PDE6D: variants seen among roughly 807,000 people sequenced by gnomAD.
PDE6D encodes phosphodiesterase 6D.
In PDE6D, 10 loss-of-function variants were observed where a neutral mutation model predicts 21.9. The observed-to-expected ratio is 0.46, with a 90% confidence interval of 0.28 to 0.78. The LOEUF is 0.78. PDE6D is among the 30% of genes least tolerant of loss of function. The pLI is 0.12. For missense variants in PDE6D, 139 were observed against 184.8 expected, an observed-to-expected ratio of 0.75 and a Z score of 1.44; for synonymous variants, 59 against 63.5, an observed-to-expected ratio of 0.93 and a Z score of 0.34.
In PDE6D at chr2:231,738,048, T is replaced by C; in HGVS notation, c.230A>G (p.Glu77Gly). Residue 77 changes from glutamate (E) to glycine (G), a missense_variant, in exon 3 of 5, where the codon GAA becomes GGA. By Grantham distance (98) the Glu-to-Gly change is moderately conservative. Transcript: ENST00000287600. ...STEQMEKFRL[E>G]QKVYFKGQCL... ...TTGCCCTTTGAAGTAAACTTTTTGT[T>C]CCAGGCGGAATTTTTCCATTTGTTC... is the stretch of plus-strand genomic sequence containing the variant. The C allele has an allele frequency of 6.2e-7, 1 of 1,614,154 alleles. No homozygotes were observed. Among genetic ancestry groups the C allele is most frequent in the Non-Finnish European group, 8.5e-7 (1 of 1,179,990 alleles).
At chr2:231,753,333 C>G (rs2048857389) in intron 1 of PDE6D, among the ~76,000 whole-genome samples, 1 of 150,588 alleles carries the variant, frequency 6.6e-6, no homozygotes, top group South Asian at 2.1e-4. Context: ...ACCATCCTGG[C>G]TAACACAGTG....
rs538380068 is a variant in PDE6D at position 231,760,866 on chromosome 2, G to A, written c.50+20199C>T. ...AAAAAGGACACGCTGCAAGGCTAGT[G>A]ACACTATTTTCTAGCTCAGCCAAGC... On this transcript the variant is annotated intron_variant, in intron 1 of 4. Transcript: ENST00000287600. 1.6e-4 allele frequency among the ~76,000 whole-genome samples: 25 copies of A among 152,296 alleles called. No individual in the cohort carries two copies. The South Asian group carries it at 5.2e-3, about 32-fold the overall frequency.
At chr2:231,757,104 G>C (rs1370731686) in intron 1 of PDE6D, among the ~76,000 whole-genome samples, 1 of 150,694 alleles carries the variant, frequency 6.6e-6, no homozygotes, top group Non-Finnish European at 1.5e-5. Context: ...GGCTACAGGT[G>C]TGTGCCACCA....
At chr2:231,747,332 C>T (rs577217066) in intron 1 of PDE6D, among the ~76,000 whole-genome samples, 1 of 152,300 alleles carries the variant, frequency 6.6e-6, no homozygotes, top group Admixed American at 6.5e-5. Context: ...CTCAGGTGAT[C>T]CGCCTGCCTC....
At chr2:231,741,862 G>A (rs150478249) in intron 1 of PDE6D, among the ~76,000 whole-genome samples, 61 of 152,316 alleles carry the variant, frequency 4.0e-4, no homozygotes, top group African/African-American at 1.4e-3. Flanking sequence ...TTACCTGGGA[G>A]GATGGGGGAA....
At chr2:231,742,524 A>T (rs2048758791) in intron 1 of PDE6D, among the ~76,000 whole-genome samples, 1 of 152,224 alleles carries the variant, frequency 6.6e-6, no homozygotes, top group African/African-American at 2.4e-5. Context: ...TTTAAAAAAC[A>T]ATTGACAAAC....
chr2:231,769,041 G>C (rs2048994743), intron 1 of PDE6D, among the ~76,000 whole-genome samples: 1 of 152,020 alleles, frequency 6.6e-6, no homozygotes, highest in South Asian at 2.1e-4. Flanking sequence ...GCTCATTTTG[G>C]TATTTTTAGT....
At position 231,736,175 on chromosome 2, in the gene PDE6D, A is replaced by T. The variant is rs372250382; in HGVS notation, c.371+1012T>A. On this transcript the variant is annotated intron_variant, in intron 4 of 4. Coordinates refer to ENST00000287600, the MANE Select transcript of PDE6D (RefSeq NM_002601.4). ...GCAACATGGCAAGACCCTGTTTTTT[A>T]AAAAAATAAAATAAACAAAACCCAA... Among the ~76,000 whole-genome samples, 21 of 152,242 alleles carry T rather than the reference A, an allele frequency of 1.4e-4. 1 individual carries two copies. The highest frequency in any genetic ancestry group is 4.3e-4 in the African/African-American group (18 of 41,564).
intron 1 of PDE6D, among the ~76,000 whole-genome samples, chr2:231,745,555 G>T (rs948565155): frequency 3.3e-5 from 5 of 152,152 alleles, no homozygotes; most frequent in Admixed American, 2.6e-4. Flanking sequence ...CCTTTCCTAT[G>T]GGAAGCCTCC....
chr2:231,743,963 C>T lies in PDE6D; in HGVS notation c.51-4775G>A, dbSNP rs79636730. On this transcript the variant is annotated intron_variant, in intron 1 of 4. Coordinates refer to ENST00000287600, the MANE Select transcript of PDE6D (RefSeq NM_002601.4). The stretch of plus-strand genomic sequence containing the variant: ...GAAGACATAGTCCTCATTCGACCTT[C>T]TCTGAACAAGCTTTTCATTCTTTCA... Among the ~76,000 whole-genome samples the T allele has an allele frequency of 2.4e-3, 359 of 152,342 alleles. 1 individual carries two copies. The highest frequency in any genetic ancestry group is 8.3e-3 in the African/African-American group (344 of 41,586).
At chr2:231,764,720 C>T (rs946154637) in intron 1 of PDE6D, among the ~76,000 whole-genome samples, 5 of 152,328 alleles carry the variant, frequency 3.3e-5, no homozygotes, top group African/African-American at 1.2e-4. Context: ...TACAGCATCA[C>T]CTCCTATCCT....
chr2:231,762,256 A>G (rs2106279602), intron 1 of PDE6D, among the ~76,000 whole-genome samples: 1 of 151,490 alleles, frequency 6.6e-6, no homozygotes, highest in East Asian at 1.9e-4. Context: ...GTGTGTGGCT[A>G]TTAAAAAGTA....
At chr2:231,768,144 ACTAT>A (rs1375473746) in intron 1 of PDE6D, among the ~76,000 whole-genome samples, 1 of 151,918 alleles carries the variant, frequency 6.6e-6, no homozygotes, top group Admixed American at 6.6e-5. Context: ...TGTATCTGCC[ACTAT>A]CTATTATTCT....
At chr2:231,751,152 A>G (rs2048837163) in intron 1 of PDE6D, among the ~76,000 whole-genome samples, 1 of 148,600 alleles carries the variant, frequency 6.7e-6, no homozygotes, top group Admixed American at 6.7e-5. Flanking sequence ...CATTTATTTT[A>G]GAATAGTTTT....
rs147790551 is a variant in PDE6D at position 231,771,346 on chromosome 2, T to C, written c.50+9719A>G. ...AATTCTCCAGAGAGGCATCATGGTA[T>C]ACTGTAGAAAACATGGACTTTTAAA... On this transcript the variant is annotated intron_variant, in intron 1 of 4. Transcript: ENST00000287600. Among the ~76,000 whole-genome samples the C allele has an allele frequency of 2.5e-3, 383 of 152,326 alleles. 6 individuals carry two copies. In the South Asian group the frequency reaches 0.038, roughly 15 times the overall value.
At chr2:231,767,595 T>G (rs2048982346) in intron 1 of PDE6D, among the ~76,000 whole-genome samples, 1 of 152,112 alleles carries the variant, frequency 6.6e-6, no homozygotes, top group African/African-American at 2.4e-5. Context: ...GATTACGGTG[T>G]GAGCCACCGC....
intron 1 of PDE6D, among the ~76,000 whole-genome samples, chr2:231,752,120 A>C (rs577333459): frequency 4.6e-5 from 7 of 152,238 alleles, no homozygotes; most frequent in Non-Finnish European, 1.0e-4. Context: ...TTTAACACTA[A>C]GAAATCTGCT....
At position 231,770,552 on chromosome 2, in the gene PDE6D, C is replaced by T. The variant is rs372346263; in HGVS notation, c.50+10513G>A. On this transcript the variant is annotated intron_variant, in intron 1 of 4. Coordinates refer to ENST00000287600, the MANE Select transcript of PDE6D (RefSeq NM_002601.4). Reference sequence around the variant, plus strand: ...GAGACAAGGGCTGGGCATGGTGGCTCATGTCTGTTAATTCCAGCACTTGGG... The same window carrying T: ...GAGACAAGGGCTGGGCATGGTGGCTTATGTCTGTTAATTCCAGCACTTGGG... Among the ~76,000 whole-genome samples, 11 of 152,102 alleles carry T rather than the reference C, an allele frequency of 7.2e-5. 1 individual carries two copies. The highest frequency in any genetic ancestry group is 5.8e-4 in the East Asian group (3 of 5,192).
intron 1 of PDE6D, among the ~76,000 whole-genome samples, chr2:231,778,072 C>G (rs1351895726): frequency 6.6e-6 from 1 of 152,180 alleles, no homozygotes; most frequent in East Asian, 1.9e-4. Context: ...TTGAGAACAG[C>G]TTGGCCAACA....
Sources: gnomAD v4.1 joint callset for allele counts (sites outside exome capture counted in the v4.1 genomes callset) on GRCh38, gnomAD v4.1.1 for gene constraint, MANE v1.5 for transcripts, NCBI Gene and HGNC (gene_info 2026-07-23, HGNC 2026-07-21) for gene names.